NKAIN3: variants seen among roughly 807,000 people sequenced by gnomAD.
NKAIN3 encodes sodium/potassium-transporting ATPase subunit beta-1-interacting protein 3.
A neutral mutation model predicts 30.2 loss-of-function variants in NKAIN3; 25 were observed. That is an observed-to-expected ratio of 0.83 (90% CI 0.60 to 1.16). NKAIN3 has a LOEUF of 1.16. Among genes scored for constraint, NKAIN3 ranks in the 50% most tolerant of loss-of-function variants. The pLI is 0.00. For synonymous variants in NKAIN3, 91 were observed against 89.6 expected (o/e 1.02, Z -0.09); for missense variants, 225 against 254.1 (o/e 0.89, Z 0.78).
chr8:62,807,285 C>A (rs4416814), intron 4 of NKAIN3, among the ~76,000 whole-genome samples: 12,309 of 152,170 alleles, frequency 0.081, 512 homozygotes, highest in Middle Eastern at 0.088. Flanking sequence ...ATTAAAGCAG[C>A]CTTGCATCTT....
chr8:62,689,944 G>GA (rs869031361), intron 3 of NKAIN3, among the ~76,000 whole-genome samples: 1 of 136,224 alleles, frequency 7.3e-6, no homozygotes, highest in African/African-American at 2.8e-5. Flanking sequence ...CCACCGCACT[G>GA]AAAATAAATA....
chr8:62,728,453 G>C (rs990684972), intron 3 of NKAIN3, among the ~76,000 whole-genome samples: 1 of 151,846 alleles, frequency 6.6e-6, no homozygotes, highest in South Asian at 2.1e-4. Context: ...ACCTGAGGTC[G>C]GGAGTTCGAG....
At chr8:62,826,367 T>G (rs1480113) in intron 4 of NKAIN3, among the ~76,000 whole-genome samples, 90,606 of 151,932 alleles carry the variant, frequency 0.6, 27,985 homozygotes, top group Non-Finnish European at 0.7. Flanking sequence ...GCCTTATGCA[T>G]TTATTATGAT....
intron 1 of NKAIN3, among the ~76,000 whole-genome samples, chr8:62,375,091 A>G (rs1325774477): frequency 1.3e-5 from 2 of 152,228 alleles, no homozygotes; most frequent in Non-Finnish European, 2.9e-5. Context: ...CAAATTGATT[A>G]TTCTCAATAT....
At position 62,649,229 on chromosome 8, in the gene NKAIN3, G is replaced by A. The variant is rs149771519; in HGVS notation, c.273+59435G>A. 4.9e-3 allele frequency among the ~76,000 whole-genome samples: 750 copies of A among 152,264 alleles called. 2 individuals are homozygous for A. Among genetic ancestry groups the A allele is most frequent in the Non-Finnish European group, 5.8e-3 (394 of 68,012 alleles). On this transcript the variant is annotated intron_variant, in intron 3 of 6. Transcript: ENST00000623646. ...TCTATTGTGGATTCCTGTGATTCTA[G>A]TAAGGTACTTTGATTTTCCTGTGGG...
chr8:62,581,262 C>T (rs1398673828), intron 2 of NKAIN3, among the ~76,000 whole-genome samples: 2 of 152,070 alleles, frequency 1.3e-5, no homozygotes, highest in African/African-American at 4.8e-5. Context: ...TCATAACATG[C>T]ATAATCAAGC....
At chr8:62,570,019 T>C (rs1259202185) in intron 1 of NKAIN3, among the ~76,000 whole-genome samples, 1 of 152,194 alleles carries the variant, frequency 6.6e-6, no homozygotes, top group African/African-American at 2.4e-5. Context: ...AAATGCTTTC[T>C]TAGGATTCTG....
intron 1 of NKAIN3, among the ~76,000 whole-genome samples, chr8:62,499,942 A>G (rs993179083): frequency 6.6e-6 from 1 of 151,476 alleles, no homozygotes; most frequent in African/African-American, 2.4e-5. Context: ...ATGTCTGGTC[A>G]TGGTTGAAGC....
chr8:62,539,979 A>G (rs1212247763), intron 1 of NKAIN3, among the ~76,000 whole-genome samples: 1 of 152,198 alleles, frequency 6.6e-6, no homozygotes, highest in Admixed American at 6.5e-5. Context: ...GTGTTAATAA[A>G]TATTTTGTCA....
At chr8:62,732,228 ATTAT>A (rs1563536477) in intron 3 of NKAIN3, among the ~76,000 whole-genome samples, 1 of 152,106 alleles carries the variant, frequency 6.6e-6, no homozygotes, top group East Asian at 1.9e-4. Context: ...TTTCTCCAAA[ATTAT>A]TTATTGTATC....
rs187911685 is a variant in NKAIN3, at chr8:62,509,144, T to C, written c.55-70395T>C. Among the ~76,000 whole-genome samples, 519 of 152,190 alleles carry C rather than the reference T, an allele frequency of 3.4e-3. 2 individuals carry two copies. Among genetic ancestry groups the C allele is most frequent in the African/African-American group, 0.012 (500 of 41,532 alleles). ...GTGCAAAATCAGCATGAACTCTACA[T>C]GTGATGACTAAGGCATTGATCATAG... On this transcript the variant is annotated intron_variant, in intron 1 of 6. Coordinates refer to ENST00000623646, the MANE Select transcript of NKAIN3 (RefSeq NM_001304533.3).
At chr8:62,367,883 A>AGG (rs1264185522) in intron 1 of NKAIN3, among the ~76,000 whole-genome samples, 2 of 152,168 alleles carry the variant, frequency 1.3e-5, no homozygotes, top group African/African-American at 4.8e-5. Flanking sequence ...GTAAAGTTAG[A>AGG]GGATATGAAG....
chr8:62,869,230 G>A (rs1042329812), intron 4 of NKAIN3, among the ~76,000 whole-genome samples: 2 of 152,184 alleles, frequency 1.3e-5, no homozygotes, highest in African/African-American at 2.4e-5. Context: ...GTGCCATGGT[G>A]GTTTGCTGCA....
At chr8:62,361,737 T>C (rs918455641) in intron 1 of NKAIN3, among the ~76,000 whole-genome samples, 1 of 152,224 alleles carries the variant, frequency 6.6e-6, no homozygotes, top group Non-Finnish European at 1.5e-5. Context: ...TTATTTTTAA[T>C]TGATGTAAAA....
intron 4 of NKAIN3, among the ~76,000 whole-genome samples, chr8:62,870,680 T>TAG (rs1563604375): frequency 7.4e-6 from 1 of 134,804 alleles, no homozygotes; most frequent in Non-Finnish European, 1.6e-5. Context: ...TATCTATATA[T>TAG]CTATATCTCT....
intron 1 of NKAIN3, among the ~76,000 whole-genome samples, chr8:62,345,379 A>ATG (rs869114446): frequency 1.0e-5 from 1 of 98,444 alleles, no homozygotes; most frequent in African/African-American, 4.1e-5. Context: ...ATACACATAT[A>ATG]TGTATATATA....
chr8:62,863,250 T>C (rs974217320), intron 4 of NKAIN3: 2 of 1,569,580 alleles, frequency 1.3e-6, no homozygotes, highest in African/African-American at 2.7e-5. Context: ...GTTTTTTCTT[T>C]TTGTTTTTAG....
At chr8:62,960,129 G>A (rs573941508) in intron 6 of NKAIN3, among the ~76,000 whole-genome samples, 2 of 152,326 alleles carry the variant, frequency 1.3e-5, no homozygotes, top group Non-Finnish European at 2.9e-5. Context: ...AGCTTACGCA[G>A]TTCAGACTTA....
intron 2 of NKAIN3, among the ~76,000 whole-genome samples, chr8:62,584,357 T>C (rs1008204244): frequency 6.6e-6 from 1 of 152,176 alleles, no homozygotes; most frequent in Non-Finnish European, 1.5e-5. Context: ...AGACCTCTAG[T>C]TTTACAAAAA....
Sources: gnomAD v4.1 joint callset for allele counts (sites outside exome capture counted in the v4.1 genomes callset) on GRCh38, gnomAD v4.1.1 for gene constraint, MANE v1.5 for transcripts, NCBI Gene and HGNC (gene_info 2026-07-23, HGNC 2026-07-21) for gene names.